Variants in LMBRD1 observed in about 807,000 individuals in gnomAD.
LMBRD1 encodes LMBR1 domain containing 1, also known as lysosomal cobalamin transport escort protein LMBD1.
A neutral mutation model predicts 74.8 loss-of-function variants in LMBRD1; 64 were observed. The ratio of observed to expected loss-of-function variants is 0.86; its 90% CI spans 0.70 to 1.05. LMBRD1 has a LOEUF of 1.05. LMBRD1 is among the 50% of genes least tolerant of loss of function. The pLI is 0.00. For synonymous variants in LMBRD1, 204 were observed against 216.3 expected (o/e 0.94, Z 0.50); for missense variants, 652 against 645.9 (o/e 1.01, Z -0.10).
chr6:69,713,589 G>A (rs1766428129), intron 9 of LMBRD1, 56 bp downstream of exon 9: 11 of 1,555,830 alleles, frequency 7.1e-6, no homozygotes, highest in Non-Finnish European at 9.7e-6. Context: ...CTCTCCAAGA[G>A]GTACTACATA....
intron 5 of LMBRD1, among the ~76,000 whole-genome samples, chr6:69,747,088 G>A (rs1437196050): frequency 2.0e-5 from 3 of 151,198 alleles, no homozygotes; most frequent in Non-Finnish European, 3.0e-5. Flanking sequence ...AAATCCATAT[G>A]TTGAAGCCCT....
At chr6:69,764,356 T>C (rs745341972) in intron 3 of LMBRD1, among the ~76,000 whole-genome samples, 3 of 151,554 alleles carry the variant, frequency 2.0e-5, no homozygotes, top group Non-Finnish European at 2.9e-5. Flanking sequence ...TCTCTCTCTA[T>C]GCCATGTGAG....
At chr6:69,707,124 C>A (rs1169367880) in intron 9 of LMBRD1, among the ~76,000 whole-genome samples, 1 of 152,126 alleles carries the variant, frequency 6.6e-6, no homozygotes, top group Non-Finnish European at 1.5e-5. Flanking sequence ...TTGGGAACAT[C>A]TCTCCGTTTC....
At position 69,674,878 on chromosome 6, in the gene LMBRD1, CAGG is replaced by C. The variant is rs772707822; in HGVS notation, c.*1277_*1279del. ...ATCCCAGCTACTCAGGAGGCTGAGGCAGGAGAATTGCTTGAATGCATGAAGGGG... is the reference window on the plus strand; with the variant it reads ...ATCCCAGCTACTCAGGAGGCTGAGGCAGAATTGCTTGAATGCATGAAGGGG... On this transcript the variant is annotated 3_prime_UTR_variant, in exon 16 of 16. Coordinates refer to ENST00000649934, the MANE Select transcript of LMBRD1 (RefSeq NM_018368.4). Among the ~76,000 whole-genome samples the C allele has an allele frequency of 3.9e-5, 6 of 152,004 alleles. No homozygotes were observed. Among genetic ancestry groups the C allele is most frequent in the African/African-American group, 7.2e-5 (3 of 41,392 alleles).
chr6:69,794,036 A>G (rs769353237), intron 1 of LMBRD1, among the ~76,000 whole-genome samples: 19 of 152,066 alleles, frequency 1.2e-4, no homozygotes, highest in South Asian at 2.1e-4. Flanking sequence ...CTGAATATTT[A>G]GTAGATGATT....
In LMBRD1 at chr6:69,701,475, G is replaced by C. The variant is rs181787663; in HGVS notation, c.1051C>G (p.Pro351Ala). The C allele has an allele frequency of 5.0e-6, 8 of 1,605,832 alleles. No homozygotes were observed. Among genetic ancestry groups the C allele is most frequent in the Non-Finnish European group, 6.8e-6 (8 of 1,173,882 alleles). ...AGTAAAGGCAAAAGCATATTCAGTGGATTACTCAGGTTAGCTCCAAAAATT... is the reference window on the plus strand; with the variant it reads ...AGTAAAGGCAAAAGCATATTCAGTGCATTACTCAGGTTAGCTCCAAAAATT... ...FIIFGANLSNPLNMLLPLLQT... is the reference protein window; with the variant it reads ...FIIFGANLSNALNMLLPLLQT... Residue 351 changes from proline to alanine, a missense_variant, in exon 11 of 16, where the codon CCA (proline) becomes GCA (alanine). This residue lies in a region of LMBRD1 where 598 missense variants were observed against 581.8 expected (regional missense o/e 1.03). Transcript: ENST00000649934.
intron 1 of LMBRD1, chr6:69,790,700 A>G: frequency 3.8e-6 from 2 of 522,376 alleles, no homozygotes; most frequent in South Asian, 4.0e-5. Flanking sequence ...ACTATTAATA[A>G]CAGTGCTCAG....
chr6:69,747,566 A>G lies in LMBRD1; in HGVS notation c.473+1775T>C, dbSNP rs1238471664. 2.0e-5 allele frequency among the ~76,000 whole-genome samples: 3 copies of G among 152,158 alleles called. No homozygotes were observed. In the East Asian group the frequency reaches 5.8e-4, roughly 29 times the overall value. On this transcript the variant is annotated intron_variant, in intron 5 of 15. Transcript: ENST00000649934. ...CAACTCAAATATTACTTCCTCTTAG[A>G]TCTCCTGATTCTGCAATGCAGAGTA...
intron 2 of LMBRD1, among the ~76,000 whole-genome samples, chr6:69,787,913 C>A (rs1262672909): frequency 7.2e-5 from 11 of 152,046 alleles, no homozygotes; most frequent in Admixed American, 7.2e-4. Context: ...TTAAAACAAG[C>A]ACCCTCAATT....
chr6:69,742,910 G>T (rs1767135209), intron 5 of LMBRD1, among the ~76,000 whole-genome samples: 1 of 151,830 alleles, frequency 6.6e-6, no homozygotes, highest in African/African-American at 2.4e-5. Flanking sequence ...TATCTGCATT[G>T]ACTTCAGTTT....
chr6:69,712,353 A>G (rs1766401278), intron 9 of LMBRD1, among the ~76,000 whole-genome samples: 1 of 152,132 alleles, frequency 6.6e-6, no homozygotes, highest in African/African-American at 2.4e-5. Flanking sequence ...GAAAATAATA[A>G]TTTTCCATGT....
intron 9 of LMBRD1, among the ~76,000 whole-genome samples, chr6:69,712,309 A>T (rs1399803631): frequency 6.6e-6 from 1 of 152,168 alleles, no homozygotes; most frequent in South Asian, 2.1e-4. Flanking sequence ...AGTCCCAAGA[A>T]TTCAAGGCTG....
At position 69,694,174 on chromosome 6, in the gene LMBRD1, C is replaced by A. The variant is rs550390425; in HGVS notation, c.1417+3389G>T. Among the ~76,000 whole-genome samples the A allele has an allele frequency of 2.6e-5, 4 of 152,128 alleles. No individual in the cohort carries two copies. The South Asian group carries it at 8.3e-4, about 32-fold the overall frequency. ...CTACAATATAAAAAATTCACTCAGT[C>A]CAGTAATATCAGGGCATTTTAAAGG... is the stretch of plus-strand genomic sequence containing the variant. On this transcript the variant is annotated intron_variant, in intron 14 of 15. Coordinates refer to ENST00000649934, the MANE Select transcript of LMBRD1 (RefSeq NM_018368.4).
intron 3 of LMBRD1, among the ~76,000 whole-genome samples, chr6:69,766,151 T>A (rs949315571): frequency 5.9e-5 from 9 of 151,570 alleles, no homozygotes; most frequent in Admixed American, 1.3e-4. Flanking sequence ...CATTTAATTA[T>A]TTATTTATTT....
intron 9 of LMBRD1, among the ~76,000 whole-genome samples, chr6:69,707,359 C>G (rs188998451): frequency 2.0e-5 from 3 of 152,286 alleles, no homozygotes; most frequent in Admixed American, 6.5e-5. Context: ...ACCTTAATTA[C>G]ATCTGTAAGG....
At chr6:69,701,752 T>C (rs1766135581) in intron 10 of LMBRD1, 137 bp downstream of exon 10, 5 of 707,400 alleles carry the variant, frequency 7.1e-6, no homozygotes, top group South Asian at 5.2e-5. Context: ...AGCCATTCTT[T>C]GAGTTAATGC....
At chr6:69,719,559 T>A (rs1343473219) in intron 7 of LMBRD1, among the ~76,000 whole-genome samples, 1 of 152,202 alleles carries the variant, frequency 6.6e-6, no homozygotes, top group African/African-American at 2.4e-5. Flanking sequence ...TAAATATTTA[T>A]AACCAATCTT....
chr6:69,675,524 C>A lies in LMBRD1; in HGVS notation c.*634G>T, dbSNP rs1214732104. ...AGGTCAGATGCAAAACAAAAGCTAC[C>A]TATAACAATATGTATGCCTTAAATA... On this transcript the variant is annotated 3_prime_UTR_variant, in exon 16 of 16. Coordinates refer to ENST00000649934, the MANE Select transcript of LMBRD1 (RefSeq NM_018368.4). Among the ~76,000 whole-genome samples, 2 of 152,150 alleles carry A rather than the reference C, an allele frequency of 1.3e-5. No homozygotes were observed. Among genetic ancestry groups the A allele is most frequent in the Non-Finnish European group, 2.9e-5 (2 of 67,976 alleles).
At chr6:69,785,702 A>G (rs1175592768) in intron 2 of LMBRD1, among the ~76,000 whole-genome samples, 1 of 152,228 alleles carries the variant, frequency 6.6e-6, no homozygotes, top group East Asian at 1.9e-4. Context: ...CTCTAGCCCA[A>G]GTCACCTTTA....
Sources: allele counts gnomAD v4.1 joint callset (sites outside exome capture counted in the v4.1 genomes callset), GRCh38; gene constraint gnomAD v4.1.1; regional missense constraint gnomAD v4.1.1; transcripts MANE v1.5; gene names NCBI Gene and HGNC (gene_info 2026-07-23, HGNC 2026-07-21).